LTBP1: variants seen among roughly 807,000 people sequenced by gnomAD.
The protein encoded by LTBP1 is latent-transforming growth factor beta-binding protein 1.
In LTBP1, 129 loss-of-function variants were observed where a neutral mutation model predicts 207.6. That is an observed-to-expected ratio of 0.62 (90% CI 0.54 to 0.72). The LOEUF is 0.72. Among genes scored for constraint, LTBP1 ranks in the 30% least tolerant of loss-of-function variants. The pLI, the probability that LTBP1 is intolerant of heterozygous loss-of-function variation, is 0.00. For missense variants in LTBP1, 2,281 were observed against 2,217.2 expected (o/e 1.03, Z -0.58); for synonymous variants, 963 against 833.7 (o/e 1.16, Z -2.67).
intron 7 of LTBP1, among the ~76,000 whole-genome samples, chr2:33,213,074 A>T (rs1430413684): frequency 6.6e-6 from 1 of 152,040 alleles, no homozygotes; most frequent in African/African-American, 2.4e-5. Flanking sequence ...TGGTTGCCAG[A>T]ACTTTCATTT....
chr2:33,067,047 C>T (rs2077546616), intron 3 of LTBP1, among the ~76,000 whole-genome samples: 1 of 152,146 alleles, frequency 6.6e-6, no homozygotes, highest in Non-Finnish European at 1.5e-5. Context: ...GGTGGCATGC[C>T]TGTAGTCCCA....
At chr2:33,207,988 C>A (rs547774244) in intron 7 of LTBP1, among the ~76,000 whole-genome samples, 1 of 152,182 alleles carries the variant, frequency 6.6e-6, no homozygotes. Context: ...TTGGATTGAT[C>A]CAACAACCTG....
intron 3 of LTBP1, among the ~76,000 whole-genome samples, chr2:33,090,737 T>G (rs965228274): frequency 6.6e-6 from 1 of 152,098 alleles, no homozygotes; most frequent in Non-Finnish European, 1.5e-5. Flanking sequence ...TTTAGTGAGA[T>G]AGCATACAGA....
chr2:32,993,515 T>C (rs912902718), intron 2 of LTBP1, among the ~76,000 whole-genome samples: 1 of 152,202 alleles, frequency 6.6e-6, no homozygotes, highest in South Asian at 2.1e-4. Flanking sequence ...AAATCCTTGC[T>C]CTCCCAGAGA....
chr2:33,318,065 A>G (rs1043194115), intron 24 of LTBP1: 1 of 152,200 alleles, frequency 6.6e-6, no homozygotes, highest in Admixed American at 6.5e-5. Flanking sequence ...CTCATTGAGC[A>G]TTGCAGATTT....
At chr2:33,044,843 T>G (rs946708650) in intron 3 of LTBP1, among the ~76,000 whole-genome samples, 15 of 152,220 alleles carry the variant, frequency 9.9e-5, no homozygotes, top group Admixed American at 9.8e-4. Flanking sequence ...TGGTTTTGAT[T>G]TGCATTTCTC....
At chr2:33,291,836 C>G (rs1289371595) in intron 19 of LTBP1, 1 of 152,192 alleles carries the variant, frequency 6.6e-6, no homozygotes, top group African/African-American at 2.4e-5. Context: ...GCAATCTAGA[C>G]TCTGGGTTTG....
chr2:33,360,766 G>A lies in LTBP1; in HGVS notation c.4170G>A (p.Pro1390=), dbSNP rs376638313. 122 of 1,613,812 alleles carry A rather than the reference G, an allele frequency of 7.6e-5. No homozygotes were observed. The African/African-American group carries it at 1.1e-3, about 14-fold the overall frequency. The change falls in exon 27 of 34, where the codon CCG becomes CCA. Residue 1390 remains proline (P), a synonymous_variant. Coordinates refer to ENST00000404816, the MANE Select transcript of LTBP1 (RefSeq NM_206943.4). Reference sequence around the variant, plus strand: ...ATAACTGCGAAATCTTCCCCTGCCCGGTCTTGGGAACTGGTAAGAATCCGC... The same window carrying A: ...ATAACTGCGAAATCTTCCCCTGCCCAGTCTTGGGAACTGGTAAGAATCCGC... ...WGDNCEIFPC[P]VLGTAEFTEM...
chr2:33,047,408 C>T lies in LTBP1; in HGVS notation c.863+26202C>T, dbSNP rs555056529. Among the ~76,000 whole-genome samples, 49 of 152,280 alleles carry T rather than the reference C, an allele frequency of 3.2e-4. No homozygotes were observed. In the Middle Eastern group the frequency reaches 0.014, roughly 42 times the overall value. ...ATTCAGGAGCAGGTTGTTCAGTTTC[C>T]ATGTAGTTGTGCGGTTTTGAGTGAG... is the stretch of plus-strand genomic sequence containing the variant. On this transcript the variant is annotated intron_variant, in intron 3 of 33. Transcript: ENST00000404816.
intron 3 of LTBP1, among the ~76,000 whole-genome samples, chr2:33,029,611 C>T (rs1225403835): frequency 6.6e-6 from 1 of 152,224 alleles, no homozygotes; most frequent in African/African-American, 2.4e-5. Context: ...CTGCAAGTGT[C>T]TGAATGCCTG....
At chr2:33,158,148 C>CAAAAAAAAAAA (rs59789805) in intron 5 of LTBP1, among the ~76,000 whole-genome samples, 1 of 113,894 alleles carries the variant, frequency 8.8e-6, no homozygotes, top group Non-Finnish European at 1.7e-5. Context: ...AAAAAAAAAA[C>CAAAAAAAAAAA]AAAAAAAAAA....
chr2:33,352,516 C>G (rs1456959401), intron 26 of LTBP1, among the ~76,000 whole-genome samples: 1 of 152,058 alleles, frequency 6.6e-6, no homozygotes. Context: ...TCCAAGCAGT[C>G]CATCATAATA....
rs70938398 is a variant in LTBP1 at position 33,382,074 on chromosome 2, C to CTTTTT, written c.4712-7076_4712-7072dup. Among the ~76,000 whole-genome samples, 293 of 46,778 alleles carry CTTTTT rather than the reference C, an allele frequency of 6.3e-3. 110 individuals carry two copies. Among genetic ancestry groups the CTTTTT allele is most frequent in the Non-Finnish European group, 9.1e-3 (226 of 24,950 alleles). 30.7% of individuals were successfully genotyped at this position (46,778 alleles called of 152,430 possible). A position where few individuals can be genotyped will look rare whatever the true frequency, so the allele number is the denominator to read the frequency against. On this transcript the variant is annotated intron_variant, in intron 31 of 33. Coordinates refer to ENST00000404816, the MANE Select transcript of LTBP1 (RefSeq NM_206943.4). ...TACAGCAGTTAGCGCCCTACTGCTT[C>CTTTTT]TTTTTTTTTTTTTTTTTTTTTTTTT...
chr2:33,173,134 A>C (rs9677435), intron 5 of LTBP1, among the ~76,000 whole-genome samples: 70,234 of 151,798 alleles, frequency 0.46, 16,518 homozygotes, highest in Non-Finnish European at 0.5. Context: ...AGCTAGCAGA[A>C]GGCAAGAAAT....
chr2:33,263,424 A>G (rs1464944716), intron 15 of LTBP1, 32 bp downstream of exon 15: 3 of 1,498,882 alleles, frequency 2.0e-6, no homozygotes, highest in African/African-American at 1.4e-5. Context: ...TATATATCAC[A>G]TGGAGGAGAC....
At chr2:33,034,574 G>A (rs997648852) in intron 3 of LTBP1, among the ~76,000 whole-genome samples, 2 of 152,118 alleles carry the variant, frequency 1.3e-5, no homozygotes, top group African/African-American at 2.4e-5. Flanking sequence ...GACAGAGCTG[G>A]CACATTTTCA....
rs987710119 is a variant in LTBP1, at chr2:33,152,520, G to A, written c.1201+17560G>A. Among the ~76,000 whole-genome samples, 7 of 152,186 alleles carry A rather than the reference G, an allele frequency of 4.6e-5. No individual in the cohort carries two copies. In the South Asian group the frequency reaches 8.3e-4, roughly 18 times the overall value. On this transcript the variant is annotated intron_variant, in intron 5 of 33. Transcript: ENST00000404816. ...GAAAACAGTGTGGAGATTCCTTAAA[G>A]AACTAAAAGTAGAACTACCATTTGA...
chr2:33,018,601 A>G (rs949947298), intron 2 of LTBP1, among the ~76,000 whole-genome samples: 1 of 152,142 alleles, frequency 6.6e-6, no homozygotes, highest in Admixed American at 6.5e-5. Flanking sequence ...ATGGCTGAGC[A>G]GGGACCCAGG....
At chr2:33,092,280 T>A (rs893633349) in intron 3 of LTBP1, among the ~76,000 whole-genome samples, 10 of 152,248 alleles carry the variant, frequency 6.6e-5, no homozygotes, top group African/African-American at 1.4e-4. Flanking sequence ...CTTTACTAGT[T>A]ATCCATATGT....
Sources: gnomAD v4.1 joint callset for allele counts (sites outside exome capture counted in the v4.1 genomes callset) on GRCh38, gnomAD v4.1.1 for gene constraint, MANE v1.5 for transcripts, NCBI Gene and HGNC (gene_info 2026-07-23, HGNC 2026-07-21) for gene names.